The following EBF3 variants were observed in gnomAD, a reference collection of about 807,000 sequenced individuals.
EBF3 encodes EBF transcription factor 3, also known as transcription factor COE3.
Under a neutral mutation model 77.1 loss-of-function variants are expected in EBF3, and 18 were observed. That is an observed-to-expected ratio of 0.23 (90% CI 0.16 to 0.35). The LOEUF (loss-of-function observed/expected upper bound fraction) is 0.35, where lower values mean the gene tolerates loss of function less well. EBF3 is among the 10% of genes least tolerant of loss of function. EBF3 has a pLI of 1.00. For missense variants in EBF3, 558 were observed against 860.0 expected (o/e 0.65, Z 4.39); for synonymous variants, 350 against 343.5 (o/e 1.02, Z -0.21).
In EBF3 at chr10:129,934,611, G is replaced by C. The variant is rs567122980; in HGVS notation, c.554+22647C>G. Among the ~76,000 whole-genome samples, 3 of 152,186 alleles carry C rather than the reference G, an allele frequency of 2.0e-5. No homozygotes were observed. The South Asian group carries it at 6.2e-4, about 32-fold the overall frequency. ...ATTAAGTGGCATGCTTAGCGGTGGG[G>C]CTGGGAGTTTCTAAGTTCACTCCCC... On this transcript the variant is annotated intron_variant, in intron 6 of 16. Coordinates refer to ENST00000440978, the MANE Select transcript of EBF3 (RefSeq NM_001375380.1).
chr10:129,911,112 TA>T (rs1351027889), intron 6 of EBF3, among the ~76,000 whole-genome samples: 3 of 152,182 alleles, frequency 2.0e-5, no homozygotes, highest in African/African-American at 7.2e-5. Context: ...CATTCCTTTA[TA>T]ACAGAGCAAA....
At chr10:129,905,772 T>C (rs1855102320) in intron 6 of EBF3, among the ~76,000 whole-genome samples, 1 of 152,194 alleles carries the variant, frequency 6.6e-6, no homozygotes, top group East Asian at 1.9e-4. Flanking sequence ...ACCCTGGAAT[T>C]GAACTCGCCT....
At chr10:129,942,037 CCT>C (rs1456833820) in intron 6 of EBF3, among the ~76,000 whole-genome samples, 4 of 152,294 alleles carry the variant, frequency 2.6e-5, no homozygotes, top group South Asian at 2.1e-4. Flanking sequence ...GCTGTTGACC[CCT>C]GTGTCCCCGC....
At chr10:129,845,673 T>G (rs1850400960) in intron 11 of EBF3, 1 of 152,116 alleles carries the variant, frequency 6.6e-6, no homozygotes, top group Non-Finnish European at 1.5e-5. Context: ...TGTAGCTACT[T>G]CAAAAAGCGG....
chr10:129,913,628 T>A (rs1477682465), intron 6 of EBF3, among the ~76,000 whole-genome samples: 1 of 152,168 alleles, frequency 6.6e-6, no homozygotes, highest in Non-Finnish European at 1.5e-5. Context: ...GTATTCCTTG[T>A]AAAAAATAAA....
chr10:129,878,146 C>A (rs1347384077), intron 6 of EBF3, among the ~76,000 whole-genome samples: 1 of 152,086 alleles, frequency 6.6e-6, no homozygotes, highest in Non-Finnish European at 1.5e-5. Context: ...GCACAACTGC[C>A]CATTAACCAT....
At chr10:129,917,679 A>AAAAAAAAAAAAAAAAAAAC (rs1564887155) in intron 6 of EBF3, among the ~76,000 whole-genome samples, 4 of 141,980 alleles carry the variant, frequency 2.8e-5, no homozygotes, top group Non-Finnish European at 6.2e-5. Flanking sequence ...AAAAAAAAAA[A>AAAAAAAAAAAAAAAAAAAC]CTAAAACCAA....
chr10:129,946,592 A>G (rs948967910), intron 6 of EBF3, among the ~76,000 whole-genome samples: 1 of 152,196 alleles, frequency 6.6e-6, no homozygotes, highest in Non-Finnish European at 1.5e-5. Flanking sequence ...CTGAACCAAG[A>G]CAAGTTTATT....
intron 6 of EBF3, among the ~76,000 whole-genome samples, chr10:129,883,784 T>C (rs578031965): frequency 6.6e-5 from 10 of 152,272 alleles, no homozygotes; most frequent in Middle Eastern, 3.4e-3. Context: ...AACAGCTGCT[T>C]CGTGGGTACA....
chr10:129,963,271 C>T lies in EBF3; in HGVS notation c.291+96G>A. ...GCGGGGTGGCCTGGCGGAGCCGAGC[C>T]CGCCGCCTAGGGGGGCACTCGAACC... On this transcript the variant is annotated intron_variant, in intron 2 of 16. Coordinates refer to ENST00000440978, the MANE Select transcript of EBF3 (RefSeq NM_001375380.1). The surrounding 1 kb of genome is among the most constrained non-coding windows in gnomAD (Gnocchi z 7.1). 1.3e-6 allele frequency: 2 copies of T among 1,495,632 alleles called. No individual in the cohort carries two copies. The highest frequency in any genetic ancestry group is 8.9e-7 in the Non-Finnish European group (1 of 1,127,464). 92.6% of individuals were successfully genotyped at this position (1,495,632 alleles called of 1,614,324 possible).
At chr10:129,942,420 C>G (rs1484038361) in intron 6 of EBF3, among the ~76,000 whole-genome samples, 1 of 152,130 alleles carries the variant, frequency 6.6e-6, no homozygotes, top group Non-Finnish European at 1.5e-5. Context: ...AGGTAAATGC[C>G]AAACAAAACA....
In EBF3 at chr10:129,947,179, A is replaced by G. The variant is rs960540840; in HGVS notation, c.554+10079T>C. Among the ~76,000 whole-genome samples, 1 of 152,194 alleles carries G rather than the reference A, an allele frequency of 6.6e-6. No homozygotes were observed. Among genetic ancestry groups the G allele is most frequent in the Non-Finnish European group, 1.5e-5 (1 of 68,036 alleles). Reference sequence around the variant, plus strand: ...CTTTGGCAGCATTTCCAATAACCAAATATCAAGGAAGAGGGGCCGCCGGGG... The same window carrying G: ...CTTTGGCAGCATTTCCAATAACCAAGTATCAAGGAAGAGGGGCCGCCGGGG... On this transcript the variant is annotated intron_variant, in intron 6 of 16. Coordinates refer to ENST00000440978, the MANE Select transcript of EBF3 (RefSeq NM_001375380.1). The surrounding 1 kb of genome is among the most constrained non-coding windows in gnomAD (Gnocchi z 4.5).
chr10:129,921,506 G>T (rs1335185951), intron 6 of EBF3, among the ~76,000 whole-genome samples: 1 of 152,224 alleles, frequency 6.6e-6, no homozygotes, highest in South Asian at 2.1e-4. Context: ...TCCCTGTGGA[G>T]GTTTGGCCCC....
At position 129,964,089 on chromosome 10, in the gene EBF3, C is replaced by T; in HGVS notation, c.-321G>A. 1 of 985,140 alleles carries T rather than the reference C, an allele frequency of 1.0e-6. No homozygotes were observed. The highest frequency in any genetic ancestry group is 1.2e-6 in the Non-Finnish European group (1 of 829,850). The allele number at this position is 985,140 out of a possible 1,614,324, so 61.0% of individuals were successfully genotyped here. The stretch of plus-strand genomic sequence containing the variant: ...ACGTGGTGTCATCCTAGCCAGGCGG[C>T]GTCCGCGGCTGCAGGACACTGCGGG... On this transcript the variant is annotated 5_prime_UTR_variant, in exon 1 of 17. Transcript: ENST00000440978. This position sits in a 1 kb window ranked among gnomAD's most constrained non-coding sequence, Gnocchi z 4.5.
At chr10:129,839,027 C>T in intron 16 of EBF3, 56 bp downstream of exon 16, 4 of 1,293,498 alleles carry the variant, frequency 3.1e-6, no homozygotes, top group Non-Finnish European at 3.1e-6. Context: ...GGGGCCTGGG[C>T]GTCCCTTCAT....
chr10:129,915,088 C>A (rs987583237), intron 6 of EBF3, among the ~76,000 whole-genome samples: 1 of 152,182 alleles, frequency 6.6e-6, no homozygotes, highest in African/African-American at 2.4e-5. Context: ...CAAGGATGCC[C>A]ATCCACTGGG....
Position 129,863,031 on chromosome 10 carries a change from T to C in EBF3, c.1039+4110A>G, listed in dbSNP as rs771766919. Among the ~76,000 whole-genome samples the C allele has an allele frequency of 6.6e-6, 1 of 152,250 alleles. No homozygotes were observed. The highest frequency in any genetic ancestry group is 1.5e-5 in the Non-Finnish European group (1 of 68,046). ...TTAATTTGCACTATTTACTTTTAAA[T>C]GCAGCAAATATCTCATTAATTTAAT... On this transcript the variant is annotated intron_variant, in intron 10 of 16. Coordinates refer to ENST00000440978, the MANE Select transcript of EBF3 (RefSeq NM_001375380.1). This position sits in a 1 kb window ranked among gnomAD's most constrained non-coding sequence, Gnocchi z 4.0.
At position 129,952,865 on chromosome 10, in the gene EBF3, G is replaced by A. The variant is rs1205686496; in HGVS notation, c.554+4393C>T. Among the ~76,000 whole-genome samples, 1 of 152,088 alleles carries A rather than the reference G, an allele frequency of 6.6e-6. No homozygotes were observed. The highest frequency in any genetic ancestry group is 1.5e-5 in the Non-Finnish European group (1 of 68,028). On this transcript the variant is annotated intron_variant, in intron 6 of 16. Coordinates refer to ENST00000440978, the MANE Select transcript of EBF3 (RefSeq NM_001375380.1). This position sits in a 1 kb window ranked among gnomAD's most constrained non-coding sequence, Gnocchi z 4.7. The stretch of plus-strand genomic sequence containing the variant: ...TTACACGATATTAATACTTGAACAG[G>A]TGCAGAAAGGCGCTTTAAATGAGGT...
intron 10 of EBF3, among the ~76,000 whole-genome samples, chr10:129,865,262 A>G (rs1480039205): frequency 1.3e-5 from 2 of 152,206 alleles, no homozygotes; most frequent in Admixed American, 1.3e-4. Flanking sequence ...CAGATGCTGC[A>G]CTTTGTTGCA....
Sources: allele counts gnomAD v4.1 joint callset (sites outside exome capture counted in the v4.1 genomes callset), GRCh38; gene constraint gnomAD v4.1.1; non-coding constraint Gnocchi (gnomAD v3.1); transcripts MANE v1.5; gene names NCBI Gene and HGNC (gene_info 2026-07-23, HGNC 2026-07-21).